XRCC4: variants seen among roughly 807,000 people sequenced by gnomAD.
XRCC4 encodes DNA repair protein XRCC4.
Under a neutral mutation model 39.1 loss-of-function variants are expected in XRCC4, and 28 were observed. That is an observed-to-expected ratio of 0.72 (90% CI 0.53 to 0.98). XRCC4 has a LOEUF of 0.98. Among genes scored for constraint, XRCC4 ranks in the 50% least tolerant of loss-of-function variants. The probability of loss-of-function intolerance (pLI) is 0.00; values close to 1 mark genes in which losing one functional copy is unlikely to be tolerated. For missense variants in XRCC4, 350 were observed against 376.4 expected (o/e 0.93, Z 0.58); for synonymous variants, 123 against 126.4 (o/e 0.97, Z 0.18).
At chr5:83,161,914 C>T (rs1430365631) in intron 3 of XRCC4, among the ~76,000 whole-genome samples, 1 of 152,000 alleles carries the variant, frequency 6.6e-6, no homozygotes, top group Non-Finnish European at 1.5e-5. Flanking sequence ...TCCTGTAATC[C>T]CAGCATTTTG....
At chr5:83,333,158 A>G (rs1027723826) in intron 7 of XRCC4, among the ~76,000 whole-genome samples, 1 of 152,118 alleles carries the variant, frequency 6.6e-6, no homozygotes, top group Non-Finnish European at 1.5e-5. Flanking sequence ...CTATGTGTGA[A>G]GATCTAAAAC....
chr5:83,278,589 G>T (rs1754417905), intron 7 of XRCC4, among the ~76,000 whole-genome samples: 1 of 152,088 alleles, frequency 6.6e-6, no homozygotes, highest in Non-Finnish European at 1.5e-5. Context: ...GCGCAAAAAA[G>T]CGCCTAAACT....
chr5:83,148,669 T>G (rs1748568479), intron 3 of XRCC4, among the ~76,000 whole-genome samples: 1 of 152,166 alleles, frequency 6.6e-6, no homozygotes, highest in Admixed American at 6.5e-5. Flanking sequence ...TTATATAACT[T>G]TACATTTTTA....
At chr5:83,287,752 T>C (rs984421778) in intron 7 of XRCC4, among the ~76,000 whole-genome samples, 4 of 151,818 alleles carry the variant, frequency 2.6e-5, no homozygotes, top group African/African-American at 9.7e-5. Context: ...AGTTTTTTGG[T>C]TTGTTGATTT....
intron 7 of XRCC4, among the ~76,000 whole-genome samples, chr5:83,324,604 T>C (rs1007603223): frequency 2.0e-5 from 3 of 152,170 alleles, no homozygotes; most frequent in Non-Finnish European, 4.4e-5. Flanking sequence ...TGTAGCTTTT[T>C]AGTGTAGCTA....
chr5:83,184,817 G>C (rs1323816985), intron 3 of XRCC4, among the ~76,000 whole-genome samples: 1 of 151,936 alleles, frequency 6.6e-6, no homozygotes, highest in Non-Finnish European at 1.5e-5. Context: ...ATTTTAAAAA[G>C]ACAAATCAAA....
intron 1 of XRCC4, among the ~76,000 whole-genome samples, chr5:83,090,077 G>A (rs1029914169): frequency 1.3e-5 from 2 of 152,076 alleles, no homozygotes; most frequent in Admixed American, 1.3e-4. Context: ...TTGAGACAGG[G>A]TTTCACTCTG....
At chr5:83,246,703 G>C (rs1753115330) in intron 6 of XRCC4, among the ~76,000 whole-genome samples, 1 of 152,050 alleles carries the variant, frequency 6.6e-6, no homozygotes. Context: ...TTCTTATTTA[G>C]GTAGTCTTTT....
In XRCC4 at chr5:83,148,022, A is replaced by G. The variant is rs117640023; in HGVS notation, c.315+36819A>G. Among the ~76,000 whole-genome samples, 450 of 152,238 alleles carry G rather than the reference A, an allele frequency of 3.0e-3. 11 individuals carry two copies. In the East Asian group the frequency reaches 0.074, roughly 25 times the overall value. On this transcript the variant is annotated intron_variant, in intron 3 of 7. Coordinates refer to ENST00000396027, the MANE Select transcript of XRCC4 (RefSeq NM_003401.5). ...AGGCTGTTCTCGAACTCCCGGTCTCAGGTGATTCGCCCTCCTCGGCCTCCC... is the reference window on the plus strand; with the variant it reads ...AGGCTGTTCTCGAACTCCCGGTCTCGGGTGATTCGCCCTCCTCGGCCTCCC...
chr5:83,284,209 T>A (rs1029818177), intron 7 of XRCC4, among the ~76,000 whole-genome samples: 8 of 152,030 alleles, frequency 5.3e-5, no homozygotes, highest in African/African-American at 1.9e-4. Context: ...TGTAGAGCAC[T>A]CTTTTCATTT....
At chr5:83,115,240 C>A (rs973267527) in intron 3 of XRCC4, among the ~76,000 whole-genome samples, 2 of 152,080 alleles carry the variant, frequency 1.3e-5, no homozygotes, top group Non-Finnish European at 2.9e-5. Context: ...CCAGGCTGAC[C>A]AACATGGAGA....
intron 7 of XRCC4, among the ~76,000 whole-genome samples, chr5:83,260,513 G>A (rs1753712225): frequency 6.6e-6 from 1 of 151,964 alleles, no homozygotes; most frequent in Admixed American, 6.6e-5. Context: ...GTTTTATGTT[G>A]GAGAGCTGCA....
chr5:83,149,279 G>A (rs73771019), intron 3 of XRCC4, among the ~76,000 whole-genome samples: 2,641 of 152,112 alleles, frequency 0.017, 65 homozygotes, highest in African/African-American at 0.061. Context: ...TTTCTATAGA[G>A]TTACTAAGAT....
At chr5:83,350,463 T>A (rs1395213387) in intron 7 of XRCC4, among the ~76,000 whole-genome samples, 2 of 152,192 alleles carry the variant, frequency 1.3e-5, no homozygotes, top group Non-Finnish European at 2.9e-5. Flanking sequence ...GCATTCTGAT[T>A]GGTGTTAGAT....
chr5:83,145,063 T>G (rs2112533196), intron 3 of XRCC4, among the ~76,000 whole-genome samples: 1 of 152,118 alleles, frequency 6.6e-6, no homozygotes, highest in South Asian at 2.1e-4. Context: ...GCCTGGCTAA[T>G]TTTTTGTATT....
chr5:83,200,856 T>C (rs1444498843), intron 4 of XRCC4, among the ~76,000 whole-genome samples: 1 of 152,196 alleles, frequency 6.6e-6, no homozygotes, highest in Non-Finnish European at 1.5e-5. Flanking sequence ...TTTGAAAATA[T>C]TATAGGAAGA....
chr5:83,225,290 A>G (rs1752244787), intron 6 of XRCC4, among the ~76,000 whole-genome samples: 1 of 151,932 alleles, frequency 6.6e-6, no homozygotes, highest in African/African-American at 2.4e-5. Flanking sequence ...TGGGGTGTTG[A>G]ATGTGTGTTC....
intron 7 of XRCC4, among the ~76,000 whole-genome samples, chr5:83,283,052 A>G (rs1464667990): frequency 7.6e-6 from 1 of 130,836 alleles, no homozygotes; most frequent in East Asian, 7.4e-4. Context: ...AGCCAGACCA[A>G]AAAAAAAAAA....
At chr5:83,369,534 G>A in the XRCC4 span, among the ~76,000 whole-genome samples, 7 of 152,162 alleles carry the variant, frequency 4.6e-5, no homozygotes, top group African/African-American at 1.7e-4. Context: ...GTTTGCTTAG[G>A]ATAATGGCCT....
Sources: gnomAD v4.1 joint callset for allele counts (sites outside exome capture counted in the v4.1 genomes callset) on GRCh38, gnomAD v4.1.1 for gene constraint, MANE v1.5 for transcripts, NCBI Gene and HGNC (gene_info 2026-07-23, HGNC 2026-07-21) for gene names.